SIX1: variants seen among roughly 807,000 people sequenced by gnomAD.
SIX1 encodes the protein SIX homeobox 1.
Under a neutral mutation model 26.5 loss-of-function variants are expected in SIX1, and 11 were observed. The observed-to-expected ratio is 0.41, with a 90% confidence interval of 0.26 to 0.69. SIX1 has a LOEUF of 0.69. Among genes scored for constraint, SIX1 ranks in the 30% least tolerant of loss-of-function variants. SIX1 has a pLI of 0.28. For synonymous variants in SIX1, 177 were observed against 166.2 expected, an observed-to-expected ratio of 1.06 and a Z score of -0.50; for missense variants, 333 against 365.9, an observed-to-expected ratio of 0.91 and a Z score of 0.73.
At position 60,644,179 on chromosome 14, in the gene SIX1, G is replaced by GGA. The variant is rs1460202730; in HGVS notation, c.*2103_*2104insTC. 6.6e-6 allele frequency: 1 copy of GGA among 152,194 alleles called. No homozygotes were observed. The highest frequency in any genetic ancestry group is 1.5e-5 in the Non-Finnish European group (1 of 68,046). 9.4% of individuals were successfully genotyped at this position (152,194 alleles called of 1,614,324 possible). The stretch of plus-strand genomic sequence containing the variant: ...GTCATTGAAAGCTATCTTTGTGCAG[G>GGA]GTGTTTGTTTTGGGGAGTGAATGTG... On this transcript the variant is annotated 3_prime_UTR_variant, in exon 2 of 2. Coordinates refer to ENST00000645694, the MANE Select transcript of SIX1 (RefSeq NM_005982.4).
chr14:60,646,704 C>A, intron 1 of SIX1, 127 bp from the exon 2 acceptor site: 1 of 838,210 alleles, frequency 1.2e-6, no homozygotes, highest in Non-Finnish European at 1.8e-6. Context: ...CAATCTGTCA[C>A]CAACCCAAAT....
chr14:60,648,556 CGGGGGCGGGA>C lies in SIX1; in HGVS notation c.560+64_560+73del. 6.9e-7 allele frequency: 1 copy of C among 1,452,390 alleles called. No individual in the cohort carries two copies. Among genetic ancestry groups the C allele is most frequent in the Non-Finnish European group, 9.4e-7 (1 of 1,064,366 alleles). The allele number at this position is 1,452,390 out of a possible 1,614,324, so 90.0% of individuals were successfully genotyped here. ...GGGAGGACTTGGTGGCTGGTGCCTG[CGGGGGCGGGA>C]GGGGGCGGAGGAGAAAGGACGGCTT... On this transcript the variant is annotated intron_variant, in intron 1 of 1. Transcript: ENST00000645694. This position sits in a 1 kb window ranked among gnomAD's most constrained non-coding sequence, Gnocchi z 7.9.
intron 1 of SIX1, among the ~76,000 whole-genome samples, chr14:60,646,986 G>C (rs1894954420): frequency 6.6e-6 from 1 of 152,188 alleles, no homozygotes; most frequent in African/African-American, 2.4e-5. Context: ...ATAGATATTG[G>C]TGATAAAGAA....
intron 1 of SIX1, 48 bp from the exon 2 acceptor site, chr14:60,646,625 A>G (rs1382291267): frequency 1.4e-6 from 2 of 1,464,256 alleles, no homozygotes; most frequent in Non-Finnish European, 1.8e-6. Context: ...AAAAAAAAAA[A>G]AAAAAGTAGG....
In SIX1 at chr14:60,646,414, T is replaced by C. The variant is rs755668042; in HGVS notation, c.724A>G (p.Arg242Gly). The C allele has an allele frequency of 3.7e-6, 6 of 1,614,044 alleles. No individual in the cohort carries two copies. The highest frequency in any genetic ancestry group is 2.2e-5 in the South Asian group (2 of 91,072). The change falls in exon 2 of 2, where the codon AGG becomes GGG. Residue 242 changes from arginine to glycine, a missense_variant. Physicochemically the swap from Arg to Gly is moderately radical, Grantham distance 125. Around this residue, in one of 3 missense-constraint regions of SIX1, gnomAD observed 199 missense variants for 215.2 expected, o/e 0.92. Coordinates refer to ENST00000645694, the MANE Select transcript of SIX1 (RefSeq NM_005982.4). ...LLLQGNMGHA[R>G]SSNYSLPGLT... ...CCCGGGAGAGAATAGTTTGAGCTCC[T>C]GGCGTGGCCCATATTGCCCTGCAGC...
chr14:60,646,865 G>T (rs1894952627), intron 1 of SIX1, among the ~76,000 whole-genome samples: 1 of 152,062 alleles, frequency 6.6e-6, no homozygotes, highest in Non-Finnish European at 1.5e-5. Context: ...TAGATTAGCA[G>T]GATTTATTTG....
chr14:60,649,423 G>A lies in SIX1; in HGVS notation c.-234C>T, dbSNP rs1276011043. The A allele has an allele frequency of 2.1e-6, 1 of 482,694 alleles. No individual in the cohort carries two copies. Among genetic ancestry groups the A allele is most frequent in the East Asian group, 3.4e-5 (1 of 29,680 alleles). The allele number at this position is 482,694 out of a possible 1,614,324, so 29.9% of individuals were successfully genotyped here. A position where few individuals can be genotyped will look rare whatever the true frequency, so the allele number is the denominator to read the frequency against. Reference sequence around the variant, plus strand: ...GCCGGCGCACTCAGTAGCCTTTAAGGCCTTGCTGCCTCCGACCTCCCGCCC... The same window carrying A: ...GCCGGCGCACTCAGTAGCCTTTAAGACCTTGCTGCCTCCGACCTCCCGCCC... On this transcript the variant is annotated 5_prime_UTR_variant, in exon 1 of 2. Coordinates refer to ENST00000645694, the MANE Select transcript of SIX1 (RefSeq NM_005982.4). This position sits in a 1 kb window ranked among gnomAD's most constrained non-coding sequence, Gnocchi z 5.1.
At position 60,648,863 on chromosome 14, in the gene SIX1, A is replaced by AT. The variant is rs1555366324; in HGVS notation, c.326dup (p.Tyr109Ter). The AT allele has an allele frequency of 6.2e-7, 1 of 1,614,018 alleles. No homozygotes were observed. Among genetic ancestry groups the AT allele is most frequent in the Non-Finnish European group, 8.5e-7 (1 of 1,180,028 alleles). Residue 109 changes from tyrosine (Y) to a stop codon, truncating the protein, a stop_gained and frameshift_variant, in exon 1 of 2, where the codon TAT becomes TAAT. Transcript: ENST00000645694. LOFTEE classifies it high-confidence loss of function. This position sits in a 1 kb window ranked among gnomAD's most constrained non-coding sequence, Gnocchi z 7.9. ...RGRPLGAVGK[Y>*]RVRRKFPLPR... ...GCAGTGGAAATTTTCGGCGCACCCG[A>AT]TATTTGCCCACGGCGCCCAGGGGTC...
In SIX1 at chr14:60,648,920, C is replaced by A. The variant is rs1164335579; in HGVS notation, c.270G>T (p.Ala90=). Residue 90 remains alanine, a synonymous_variant, in exon 1 of 2, where the codon GCG becomes GCT. Coordinates refer to ENST00000645694, the MANE Select transcript of SIX1 (RefSeq NM_005982.4). This position sits in a 1 kb window ranked among gnomAD's most constrained non-coding sequence, Gnocchi z 7.9. ...HPKLQQLWLK[A]HYVEAEKLRG... is the part of the protein sequence containing the mutation. Reference sequence around the variant, plus strand: ...GCAGCTTCTCGGCCTCCACGTAATGCGCCTTCAGCCACAGTTGCTGCAGTT... The same window carrying A: ...GCAGCTTCTCGGCCTCCACGTAATGAGCCTTCAGCCACAGTTGCTGCAGTT... 1.2e-6 allele frequency: 2 copies of A among 1,614,228 alleles called. No homozygotes were observed. Among genetic ancestry groups the A allele is most frequent in the East Asian group, 4.5e-5 (2 of 44,872 alleles).
Position 60,648,277 on chromosome 14 carries a change from A to C in SIX1, c.560+353T>G. Reference sequence around the variant, plus strand: ...ACCAAACCCCTTTCCTTGCGACACCAATCAACATTTCACTGCCCGTTGATT... The same window carrying C: ...ACCAAACCCCTTTCCTTGCGACACCCATCAACATTTCACTGCCCGTTGATT... On this transcript the variant is annotated intron_variant, in intron 1 of 1. Transcript: ENST00000645694. This position sits in a 1 kb window ranked among gnomAD's most constrained non-coding sequence, Gnocchi z 7.9. Among the ~76,000 whole-genome samples the C allele has an allele frequency of 6.6e-6, 1 of 152,098 alleles. No individual in the cohort carries two copies. Among genetic ancestry groups the C allele is most frequent in the South Asian group, 2.1e-4 (1 of 4,830 alleles).
In SIX1 at chr14:60,648,550, T is replaced by C; in HGVS notation, c.560+80A>G. 2 of 1,417,354 alleles carry C rather than the reference T, an allele frequency of 1.4e-6. No individual in the cohort carries two copies. The highest frequency in any genetic ancestry group is 1.9e-6 in the Non-Finnish European group (2 of 1,034,424). 87.8% of individuals were successfully genotyped at this position (1,417,354 alleles called of 1,614,324 possible). On this transcript the variant is annotated intron_variant, in intron 1 of 1. Coordinates refer to ENST00000645694, the MANE Select transcript of SIX1 (RefSeq NM_005982.4). The surrounding 1 kb of genome is among the most constrained non-coding windows in gnomAD (Gnocchi z 7.9). The stretch of plus-strand genomic sequence containing the variant: ...CCGGCGGGGAGGACTTGGTGGCTGG[T>C]GCCTGCGGGGGCGGGAGGGGGCGGA...
Position 60,648,741 on chromosome 14 carries a change from G to A in SIX1, c.449C>T (p.Ser150Leu). Residue 150 changes from serine (S) to leucine (L), a missense_variant, in exon 1 of 2, where the codon TCG becomes TTG. Physicochemically the swap from Ser to Leu is moderately radical, Grantham distance 145. Around this residue, in one of 3 missense-constraint regions of SIX1, gnomAD observed 199 missense variants for 215.2 expected, o/e 0.92. Transcript: ENST00000645694. The surrounding 1 kb of genome is among the most constrained non-coding windows in gnomAD (Gnocchi z 7.9). ...REWYAHNPYP[S>L]PREKRELAEA... Reference sequence around the variant, plus strand: ...GGCCAGCTCCCGCTTCTCACGCGGCGATGGGTAGGGATTGTGCGCGTACCA... The same window carrying A: ...GGCCAGCTCCCGCTTCTCACGCGGCAATGGGTAGGGATTGTGCGCGTACCA... 1 of 1,613,478 alleles carries A rather than the reference G, an allele frequency of 6.2e-7. No individual in the cohort carries two copies.
At position 60,646,524 on chromosome 14, in the gene SIX1, GGA is replaced by G; in HGVS notation, c.612_613del (p.Pro205SerfsTer100). 1 of 1,612,724 alleles carries G rather than the reference GGA, an allele frequency of 6.2e-7. No individual in the cohort carries two copies. Among genetic ancestry groups the G allele is most frequent in the East Asian group, 2.2e-5 (1 of 44,818 alleles). On this transcript the variant is annotated frameshift_variant, in exon 2 of 2. Transcript: ENST00000645694. LOFTEE classifies it high-confidence loss of function. ...CATGAGCGGCTTGCCCCCTTCCAGAGGAGAGAGTTGGTTCTGCTTGTTGGAGG... is the reference window on the plus strand; with the variant it reads ...CATGAGCGGCTTGCCCCCTTCCAGAGGAGAGTTGGTTCTGCTTGTTGGAGG...
chr14:60,646,011 GTTT>G lies in SIX1; in HGVS notation c.*269_*271del, dbSNP rs1894932459. ...ACTGGGTGCCTGGGTGCTTTTGTTT[GTTT>G]GGGTTTTTTTTTTTTTTTTTCCCTG... On this transcript the variant is annotated 3_prime_UTR_variant, in exon 2 of 2. Coordinates refer to ENST00000645694, the MANE Select transcript of SIX1 (RefSeq NM_005982.4). 4 of 205,856 alleles carry G rather than the reference GTTT, an allele frequency of 1.9e-5. No individual in the cohort carries two copies. The highest frequency in any genetic ancestry group is 2.9e-5 in the African/African-American group (1 of 34,276). The allele number at this position is 205,856 out of a possible 1,614,324, so 12.8% of individuals were successfully genotyped here. A position where few individuals can be genotyped will look rare whatever the true frequency, so the allele number is the denominator to read the frequency against.
chr14:60,647,801 G>A lies in SIX1; in HGVS notation c.560+829C>T, dbSNP rs1894976822. Among the ~76,000 whole-genome samples the A allele has an allele frequency of 1.3e-5, 2 of 152,186 alleles. No individual in the cohort carries two copies. The highest frequency in any genetic ancestry group is 1.9e-4 in the East Asian group (1 of 5,198). On this transcript the variant is annotated intron_variant, in intron 1 of 1. Coordinates refer to ENST00000645694, the MANE Select transcript of SIX1 (RefSeq NM_005982.4). This position sits in a 1 kb window ranked among gnomAD's most constrained non-coding sequence, Gnocchi z 5.1. Reference sequence around the variant, plus strand: ...TCCGAAACGCTATAGAGAACAGAAGGAGCCTGCCCAGGTGGCCGAAGGTGT... The same window carrying A: ...TCCGAAACGCTATAGAGAACAGAAGAAGCCTGCCCAGGTGGCCGAAGGTGT...
Position 60,649,410 on chromosome 14 carries a change from A to T in SIX1, c.-221T>A. The T allele has an allele frequency of 1.8e-6, 1 of 570,016 alleles. No individual in the cohort carries two copies. The highest frequency in any genetic ancestry group is 3.1e-6 in the Non-Finnish European group (1 of 320,004). 35.3% of individuals were successfully genotyped at this position (570,016 alleles called of 1,614,324 possible). On this transcript the variant is annotated 5_prime_UTR_variant, in exon 1 of 2. Coordinates refer to ENST00000645694, the MANE Select transcript of SIX1 (RefSeq NM_005982.4). The surrounding 1 kb of genome is among the most constrained non-coding windows in gnomAD (Gnocchi z 5.1). ...TGGACACGGAACGGCCGGCGCACTC[A>T]GTAGCCTTTAAGGCCTTGCTGCCTC...
chr14:60,646,216 A>G lies in SIX1; in HGVS notation c.*67T>C. ...AAAAATGTTCCTGATTTCTATTTAC[A>G]AGTGTCCCTAGTCGCTGCAGTGGTT... On this transcript the variant is annotated 3_prime_UTR_variant, in exon 2 of 2. Transcript: ENST00000645694. 1 of 1,472,270 alleles carries G rather than the reference A, an allele frequency of 6.8e-7. No individual in the cohort carries two copies. The highest frequency in any genetic ancestry group is 9.3e-7 in the Non-Finnish European group (1 of 1,073,478). 91.2% of individuals were successfully genotyped at this position (1,472,270 alleles called of 1,614,324 possible).
rs1275392329 is a variant in SIX1, at chr14:60,644,925, C to T, written c.*1358G>A. ...TCACAATGTTTCTATCCTTGTTCTC[C>T]TTCCCTTTTTTGTCTTCAAGCAGAT... On this transcript the variant is annotated 3_prime_UTR_variant, in exon 2 of 2. Transcript: ENST00000645694. The T allele has an allele frequency of 6.6e-6, 1 of 152,182 alleles. No individual in the cohort carries two copies. The highest frequency in any genetic ancestry group is 1.5e-5 in the Non-Finnish European group (1 of 68,030). 9.4% of individuals were successfully genotyped at this position (152,182 alleles called of 1,614,324 possible).
Position 60,648,757 on chromosome 14 carries a change from G to C in SIX1, c.433C>G (p.His145Asp), listed in dbSNP as rs764633083. 6.2e-7 allele frequency: 1 copy of C among 1,614,144 alleles called. No individual in the cohort carries two copies. Among genetic ancestry groups the C allele is most frequent in the Admixed American group, 1.7e-5 (1 of 60,032 alleles). The change falls in exon 1 of 2, where the codon CAC becomes GAC. Residue 145 changes from histidine to aspartate, a missense_variant. His to Asp is a moderately conservative substitution (Grantham distance 81). Transcript: ENST00000645694. This position sits in a 1 kb window ranked among gnomAD's most constrained non-coding sequence, Gnocchi z 7.9. ...SRGVLREWYAHNPYPSPREKR... is the reference protein window; with the variant it reads ...SRGVLREWYADNPYPSPREKR... ...TCACGCGGCGATGGGTAGGGATTGT[G>C]CGCGTACCACTCCCGCAGGACACCC...
Sources: gnomAD v4.1 joint callset for allele counts (sites outside exome capture counted in the v4.1 genomes callset) on GRCh38, gnomAD v4.1.1 for gene constraint, gnomAD v4.1.1 regional missense constraint, Gnocchi (gnomAD v3.1) non-coding constraint, MANE v1.5 for transcripts, NCBI Gene and HGNC (gene_info 2026-07-23, HGNC 2026-07-21) for gene names.